Variants in KCNQ1OT1 observed in about 807,000 individuals in gnomAD.
The protein encoded by KCNQ1OT1 is KCNQ1 antisense RNA 2 (non-protein coding).
exon 1 of KCNQ1OT1, chr11:2,666,048 C>T: frequency 2.5e-6 from 1 of 398,666 alleles, no homozygotes; most frequent in East Asian, 3.6e-5. Flanking sequence ...AGATAGACGG[C>T]CCAAGAGGAC....
chr11:2,629,006 T>A (rs1849307753), exon 1 of KCNQ1OT1: 1 of 398,356 alleles, frequency 2.5e-6, no homozygotes, highest in African/African-American at 2.1e-5. Flanking sequence ...TGAAATATAA[T>A]TCAAAATAAG....
In KCNQ1OT1 at chr11:2,659,155, T is replaced by C; in HGVS notation, n.40840A>G. 2.5e-6 allele frequency: 1 copy of C among 398,632 alleles called. No homozygotes were observed. The highest frequency in any genetic ancestry group is 3.6e-5 in the East Asian group (1 of 28,080). The allele number at this position is 398,632 out of a possible 1,614,324, so 24.7% of individuals were successfully genotyped here. ...GTAAAATCCACTCTTTGAGATTCAG[T>C]TCTGTGGGTTTTGACAGATGTCTGG... On this transcript the variant is annotated non_coding_transcript_exon_variant, in exon 1 of 1. Transcript: ENST00000597346. This position sits in a 1 kb window ranked among gnomAD's most constrained non-coding sequence, Gnocchi z 4.3.
At position 2,679,696 on chromosome 11, in the gene KCNQ1OT1, T is replaced by A. The variant is rs1355118557; in HGVS notation, n.20299A>T. On this transcript the variant is annotated non_coding_transcript_exon_variant, in exon 1 of 1. Transcript: ENST00000597346. The surrounding 1 kb of genome is among the most constrained non-coding windows in gnomAD (Gnocchi z 4.8). Reference sequence around the variant, plus strand: ...ATAGGATCCCAGATTAGATTTTTTTTAAATCAGCCGTTCTCTGTATTCTTG... The same window carrying A: ...ATAGGATCCCAGATTAGATTTTTTTAAAATCAGCCGTTCTCTGTATTCTTG... 32 of 398,452 alleles carry A rather than the reference T, an allele frequency of 8.0e-5. No individual in the cohort carries two copies. Among genetic ancestry groups the A allele is most frequent in the Middle Eastern group, 1.2e-3 (2 of 1,610 alleles). The allele number at this position is 398,452 out of a possible 1,614,324, so 24.7% of individuals were successfully genotyped here.
chr11:2,640,583 G>A (rs565127208), exon 1 of KCNQ1OT1: 21 of 389,606 alleles, frequency 5.4e-5, no homozygotes, highest in Non-Finnish European at 7.6e-5. Context: ...TTTTTTGACC[G>A]ATACATAATA....
At chr11:2,693,841 G>T (rs1048660321) in exon 1 of KCNQ1OT1, 1 of 398,732 alleles carries the variant, frequency 2.5e-6, no homozygotes, top group South Asian at 1.3e-4. Flanking sequence ...AGTATTAGAG[G>T]CCACCCCTTG....
Position 2,668,935 on chromosome 11 carries a change from T to G in KCNQ1OT1, n.31060A>C, listed in dbSNP as rs1331510907. 2.5e-6 allele frequency: 1 copy of G among 398,496 alleles called. No individual in the cohort carries two copies. Among genetic ancestry groups the G allele is most frequent in the Non-Finnish European group, 4.4e-6 (1 of 226,072 alleles). 24.7% of individuals were successfully genotyped at this position (398,496 alleles called of 1,614,324 possible). On this transcript the variant is annotated non_coding_transcript_exon_variant, in exon 1 of 1. Transcript: ENST00000597346. This position sits in a 1 kb window ranked among gnomAD's most constrained non-coding sequence, Gnocchi z 4.3. ...AAGCTTTATTAGCTCACCTTTCCCA[T>G]GTAGATCTGCACTCCATCTGGGATT...
chr11:2,635,370 G>A lies in KCNQ1OT1; in HGVS notation n.64625C>T, dbSNP rs1849446678. The A allele has an allele frequency of 3.9e-5, 6 of 152,244 alleles. No individual in the cohort carries two copies. In the South Asian group the frequency reaches 1.2e-3, roughly 32 times the overall value. The allele number at this position is 152,244 out of a possible 1,614,324, so 9.4% of individuals were successfully genotyped here. A position where few individuals can be genotyped will look rare whatever the true frequency, so the allele number is the denominator to read the frequency against. On this transcript the variant is annotated non_coding_transcript_exon_variant, in exon 1 of 1. Coordinates refer to ENST00000597346, the Ensembl canonical transcript of KCNQ1OT1. ...AATTAATTTTTGTATAAGGTGTAAG[G>A]AAGGGATCCAGTTTCAGCTTTCTAC...
chr11:2,658,797 C>T lies in KCNQ1OT1; in HGVS notation n.41198G>A, dbSNP rs189002236. 7 of 398,430 alleles carry T rather than the reference C, an allele frequency of 1.8e-5. No homozygotes were observed. Among genetic ancestry groups the T allele is most frequent in the Non-Finnish European group, 2.7e-5 (6 of 226,042 alleles). 24.7% of individuals were successfully genotyped at this position (398,430 alleles called of 1,614,324 possible). ...TTTCTGACCAGAGTTCATCCTTGCC[C>T]CCTCCCCCACAACTTATTTATAGCT... is the stretch of plus-strand genomic sequence containing the variant. On this transcript the variant is annotated non_coding_transcript_exon_variant, in exon 1 of 1. Transcript: ENST00000597346. This position sits in a 1 kb window ranked among gnomAD's most constrained non-coding sequence, Gnocchi z 4.9.
rs1357073695 is a variant in KCNQ1OT1 at position 2,654,122 on chromosome 11, G to C, written n.45873C>G. On this transcript the variant is annotated non_coding_transcript_exon_variant, in exon 1 of 1. Coordinates refer to ENST00000597346, the Ensembl canonical transcript of KCNQ1OT1. The surrounding 1 kb of genome is among the most constrained non-coding windows in gnomAD (Gnocchi z 6.4). ...CCTCTGAGTGGAGACACAGGTGGTG[G>C]CGGGGCCACTCTGGCTCAGGGTCTA... is the stretch of plus-strand genomic sequence containing the variant. 3 of 398,684 alleles carry C rather than the reference G, an allele frequency of 7.5e-6. No homozygotes were observed. Among genetic ancestry groups the C allele is most frequent in the Non-Finnish European group, 1.3e-5 (3 of 226,198 alleles). 24.7% of individuals were successfully genotyped at this position (398,684 alleles called of 1,614,324 possible). A position where few individuals can be genotyped will look rare whatever the true frequency, so the allele number is the denominator to read the frequency against.
At chr11:2,633,958 C>G in exon 1 of KCNQ1OT1, 1 of 398,472 alleles carries the variant, frequency 2.5e-6, no homozygotes, top group South Asian at 1.3e-4. Flanking sequence ...TATAAATGAA[C>G]CTATACAGTT....
chr11:2,616,988 A>G, exon 1 of KCNQ1OT1: 1 of 397,786 alleles, frequency 2.5e-6, no homozygotes, highest in Non-Finnish European at 4.4e-6. Context: ...TTTTAAAAAT[A>G]TGCATATTTA....
chr11:2,692,727 TGCTCCTATC>T, exon 1 of KCNQ1OT1: 1 of 398,716 alleles, frequency 2.5e-6, no homozygotes, highest in Non-Finnish European at 4.4e-6. Context: ...GGCAGGTCCC[TGCTCCTATC>T]AAATCCCTCC....
chr11:2,694,273 C>T (rs1484734689), exon 1 of KCNQ1OT1: 1 of 398,558 alleles, frequency 2.5e-6, no homozygotes, highest in Non-Finnish European at 4.4e-6. Context: ...AGAGCCACAG[C>T]AGAGACACCA....
exon 1 of KCNQ1OT1, chr11:2,636,735 G>T (rs1229259264): frequency 6.6e-6 from 1 of 152,140 alleles, no homozygotes; most frequent in East Asian, 1.9e-4. Flanking sequence ...TTTTTCTATT[G>T]TTTGGAATAG....
exon 1 of KCNQ1OT1, chr11:2,660,176 G>A: frequency 2.5e-6 from 1 of 397,882 alleles, no homozygotes; most frequent in East Asian, 3.6e-5. Flanking sequence ...ATGGTTTTAT[G>A]TTTTATTTTA....
exon 1 of KCNQ1OT1, chr11:2,648,457 T>C: frequency 2.5e-6 from 1 of 398,524 alleles, no homozygotes; most frequent in Non-Finnish European, 4.4e-6. Context: ...CTATACATTT[T>C]TGTATGCTGT....
At chr11:2,615,575 T>C (rs913708608) in exon 1 of KCNQ1OT1, 3 of 398,026 alleles carry the variant, frequency 7.5e-6, no homozygotes, top group Non-Finnish European at 1.3e-5. Context: ...GAAAGTTCCA[T>C]GTTTTTATCC....
At chr11:2,675,194 C>T in exon 1 of KCNQ1OT1, 1 of 398,568 alleles carries the variant, frequency 2.5e-6, no homozygotes, top group Non-Finnish European at 4.4e-6. Context: ...CCCTCTAGGT[C>T]AATATTGTGT....
chr11:2,624,461 CT>C lies in KCNQ1OT1; in HGVS notation n.75533del, dbSNP rs1849230125. On this transcript the variant is annotated non_coding_transcript_exon_variant, in exon 1 of 1. Transcript: ENST00000597346. The surrounding 1 kb of genome is among the most constrained non-coding windows in gnomAD (Gnocchi z 4.9). ...CAATTATTTCTTTCATGAATCATGC[CT>C]TTGGTGTCATATCTAAAAAGCCATC... The C allele has an allele frequency of 2.5e-6, 1 of 398,286 alleles. No homozygotes were observed. Among genetic ancestry groups the C allele is most frequent in the Non-Finnish European group, 4.4e-6 (1 of 226,012 alleles). The allele number at this position is 398,286 out of a possible 1,614,324, so 24.7% of individuals were successfully genotyped here. A position where few individuals can be genotyped will look rare whatever the true frequency, so the allele number is the denominator to read the frequency against.
Sources: gnomAD v4.1 joint callset for allele counts on GRCh38, gnomAD v4.1.1 for gene constraint, Gnocchi (gnomAD v3.1) non-coding constraint, MANE v1.5 for transcripts, NCBI Gene and HGNC (gene_info 2026-07-23, HGNC 2026-07-21) for gene names.